The following ARMC3 variants were observed in gnomAD, a reference collection of about 807,000 sequenced individuals.
The protein encoded by ARMC3 is armadillo repeat-containing protein 3.
A neutral mutation model predicts 90.3 loss-of-function variants in ARMC3; 74 were observed. The ratio of observed to expected loss-of-function variants is 0.82; its 90% confidence interval spans 0.68 to 0.99. The LOEUF is 0.99. Among genes scored for constraint, ARMC3 ranks in the 50% least tolerant of loss-of-function variants. The pLI, the probability that ARMC3 is intolerant of heterozygous loss-of-function variation, is 0.00. For missense variants in ARMC3, 958 were observed against 1,042.8 expected (o/e 0.92, Z 1.12); for synonymous variants, 334 against 361.8 (o/e 0.92, Z 0.87).
chr10:22,998,619 C>G (rs1349532967), intron 11 of ARMC3, among the ~76,000 whole-genome samples: 2 of 152,164 alleles, frequency 1.3e-5, no homozygotes, highest in African/African-American at 4.8e-5. Flanking sequence ...TAAGTATATA[C>G]CTAAGAGAAT....
chr10:23,004,965 C>CCAG (rs1373803061), intron 13 of ARMC3, among the ~76,000 whole-genome samples: 1 of 148,826 alleles, frequency 6.7e-6, no homozygotes, highest in Non-Finnish European at 1.5e-5. Flanking sequence ...GCCTGTAATC[C>CCAG]CAGCACTTTG....
At chr10:22,977,096 C>T (rs968303202) in intron 8 of ARMC3, among the ~76,000 whole-genome samples, 1 of 152,098 alleles carries the variant, frequency 6.6e-6, no homozygotes, top group Admixed American at 6.5e-5. Context: ...TGGTTTGGGC[C>T]TTTTGTCTGG....
chr10:22,928,577 C>G (rs747189954), intron 1 of ARMC3, among the ~76,000 whole-genome samples: 27 of 152,066 alleles, frequency 1.8e-4, no homozygotes, highest in Non-Finnish European at 3.2e-4. Context: ...GTTTGCATAT[C>G]CAATGCCCTG....
intron 7 of ARMC3, 39 bp from the exon 8 acceptor site, chr10:22,968,267 A>C: frequency 2.5e-6 from 4 of 1,571,992 alleles, no homozygotes; most frequent in Non-Finnish European, 3.5e-6. Flanking sequence ...TGTACATTTT[A>C]GTACAACTTT....
At chr10:23,030,850 A>T in intron 17 of ARMC3, 54 bp downstream of exon 17, 1 of 1,570,782 alleles carries the variant, frequency 6.4e-7, no homozygotes, top group Non-Finnish European at 8.7e-7. Context: ...TTTTAGTGTC[A>T]TATACATTTT....
chr10:23,004,558 T>C (rs1837482953), intron 13 of ARMC3, among the ~76,000 whole-genome samples: 2 of 152,192 alleles, frequency 1.3e-5, no homozygotes, highest in Non-Finnish European at 1.5e-5. Flanking sequence ...AACTTGTAGA[T>C]GTGGTTTGCT....
At chr10:22,997,464 A>G (rs1837040643) in intron 10 of ARMC3, 2 of 152,232 alleles carry the variant, frequency 1.3e-5, no homozygotes, top group South Asian at 4.1e-4. Flanking sequence ...AGGAAATTTA[A>G]TAACTGAATA....
At chr10:23,010,162 C>G (rs1837855967) in intron 16 of ARMC3, among the ~76,000 whole-genome samples, 1 of 146,908 alleles carries the variant, frequency 6.8e-6, no homozygotes, top group Non-Finnish European at 1.5e-5. Flanking sequence ...CCCTCCCTCC[C>G]CTTCTCTTCC....
At chr10:22,951,218 T>A (rs1046544903) in intron 3 of ARMC3, among the ~76,000 whole-genome samples, 1 of 152,236 alleles carries the variant, frequency 6.6e-6, no homozygotes, top group Non-Finnish European at 1.5e-5. Flanking sequence ...ATTACAGGCA[T>A]GAGCCAGTGC....
At chr10:22,959,868 A>C (rs1835117596) in intron 6 of ARMC3, 4 of 491,698 alleles carry the variant, frequency 8.1e-6, no homozygotes, top group Non-Finnish European at 1.6e-5. Context: ...CAGGAAATCT[A>C]ATATGTGGAA....
At chr10:23,014,300 G>C in intron 16 of ARMC3, 1 of 1,439,460 alleles carries the variant, frequency 6.9e-7, no homozygotes, top group South Asian at 1.4e-5. Context: ...CCATCACCTA[G>C]CACACTTAGG....
intron 16 of ARMC3, chr10:23,014,358 T>C (rs942329616): frequency 1.5e-6 from 2 of 1,321,922 alleles, no homozygotes; most frequent in Non-Finnish European, 9.7e-7. Flanking sequence ...CTTTGGTCCA[T>C]TGAGGGGTAG....
Position 23,037,490 on chromosome 10 carries a change from G to A in ARMC3, c.*11G>A, listed in dbSNP as rs768124092. 7 of 1,604,464 alleles carry A rather than the reference G, an allele frequency of 4.4e-6. No homozygotes were observed. The highest frequency in any genetic ancestry group is 2.7e-5 in the African/African-American group (2 of 74,706). On this transcript the variant is annotated 3_prime_UTR_variant, in exon 19 of 19. Transcript: ENST00000298032. ...TACAGATTCATTTAAGCCATCAGAC[G>A]AACACAAGAGAGGCTCAAACAAGAA...
At position 23,037,401 on chromosome 10, in the gene ARMC3, C is replaced by A; in HGVS notation, c.2541C>A (p.Tyr847Ter). Residue 847 changes from tyrosine (Y) to a stop codon, truncating the protein, a stop_gained, in exon 19 of 19, where the codon TAC becomes TAA. Transcript: ENST00000298032. LOFTEE classifies it high-confidence loss of function. ...VIGGLPAPEM[Y>*]VIDLMFHPGG... ...GGGGCCTCCCCGCTCCTGAGATGTACGTGATTGACCTCATGTTCCATCCAG... is the reference window on the plus strand; with the variant it reads ...GGGGCCTCCCCGCTCCTGAGATGTAAGTGATTGACCTCATGTTCCATCCAG... 4 of 1,613,986 alleles carry A rather than the reference C, an allele frequency of 2.5e-6. No homozygotes were observed. The highest frequency in any genetic ancestry group is 3.4e-6 in the Non-Finnish European group (4 of 1,179,948).
intron 1 of ARMC3, among the ~76,000 whole-genome samples, chr10:22,930,181 A>G (rs1340280476): frequency 3.9e-5 from 6 of 152,078 alleles, no homozygotes; most frequent in Admixed American, 6.5e-5. Context: ...TCATTTGCCC[A>G]GAATAGTTTC....
At chr10:22,986,903 G>C (rs1836475463) in intron 10 of ARMC3, among the ~76,000 whole-genome samples, 2 of 151,890 alleles carry the variant, frequency 1.3e-5, no homozygotes, top group African/African-American at 4.8e-5. Flanking sequence ...TAGTAAAAGG[G>C]GACAAGAACA....
chr10:22,984,948 C>A (rs1836349173), intron 10 of ARMC3, among the ~76,000 whole-genome samples: 1 of 151,530 alleles, frequency 6.6e-6, no homozygotes, highest in South Asian at 2.1e-4. Context: ...TCGTAGCTCA[C>A]TGCAGCCTAA....
At chr10:23,018,543 G>A (rs1156827845) in intron 16 of ARMC3, among the ~76,000 whole-genome samples, 1 of 133,156 alleles carries the variant, frequency 7.5e-6, no homozygotes, top group Admixed American at 7.8e-5. Flanking sequence ...TTGAGACGGA[G>A]TCTCGCACTG....
intron 16 of ARMC3, among the ~76,000 whole-genome samples, chr10:23,025,614 A>G (rs1838687292): frequency 1.3e-5 from 2 of 152,096 alleles, no homozygotes; most frequent in African/African-American, 2.4e-5. Flanking sequence ...AGGAAAATCT[A>G]TTGTACTAAA....
Sources: gnomAD v4.1 joint callset for allele counts (sites outside exome capture counted in the v4.1 genomes callset) on GRCh38, gnomAD v4.1.1 for gene constraint, MANE v1.5 for transcripts, NCBI Gene and HGNC (gene_info 2026-07-23, HGNC 2026-07-21) for gene names.